The following INPP5D variants were observed in gnomAD, a reference collection of about 807,000 sequenced individuals.
INPP5D encodes the protein phosphatidylinositol 3,4,5-trisphosphate 5-phosphatase 1.
INPP5D carries 33 observed loss-of-function variants against 122.9 expected under a neutral mutation model. That is an observed-to-expected ratio of 0.27 (90% CI 0.20 to 0.36). The LOEUF is 0.36. Ranked by LOEUF, INPP5D falls within the 10% of genes least tolerant of loss-of-function variation. The probability of loss-of-function intolerance (pLI) is 1.00; values close to 1 mark genes in which losing one functional copy is unlikely to be tolerated. For missense variants in INPP5D, 1,053 were observed against 1,412.7 expected (o/e 0.75, Z 4.08); for synonymous variants, 584 against 576.2 (o/e 1.01, Z -0.19).
chr2:233,157,139 G>A (rs1392680402), intron 9 of INPP5D, among the ~76,000 whole-genome samples: 6 of 152,190 alleles, frequency 3.9e-5, no homozygotes, highest in Admixed American at 3.9e-4. Context: ...ATGTATCACC[G>A]ATTCTTCCTT....
At chr2:233,104,527 G>A (rs1692411440) in intron 2 of INPP5D, among the ~76,000 whole-genome samples, 2 of 152,254 alleles carry the variant, frequency 1.3e-5, no homozygotes, top group East Asian at 3.9e-4. Context: ...GCAAACAGAA[G>A]GTGAGGTCGG....
chr2:233,087,683 T>C (rs188270715), intron 2 of INPP5D, among the ~76,000 whole-genome samples: 1 of 152,342 alleles, frequency 6.6e-6, no homozygotes, highest in East Asian at 1.9e-4. Context: ...ATACTAGAAC[T>C]ATTCCTAGCA....
At position 233,139,829 on chromosome 2, in the gene INPP5D, C is replaced by T. The variant is rs1693597697; in HGVS notation, c.666-13C>T. The T allele has an allele frequency of 7.5e-6, 3 of 398,636 alleles. No homozygotes were observed. Among genetic ancestry groups the T allele is most frequent in the African/African-American group, 2.1e-5 (1 of 48,640 alleles). 24.7% of individuals were successfully genotyped at this position (398,636 alleles called of 1,614,324 possible). On this transcript the variant is annotated splice_polypyrimidine_tract_variant and intron_variant, in intron 5 of 26. Coordinates refer to ENST00000445964, the MANE Select transcript of INPP5D (RefSeq NM_001017915.3). Reference sequence around the variant, plus strand: ...CACTAATCCTTGATGTTCACCTTGTCCCCTGCCCCCAGAGAAGTCATCCGG... The same window carrying T: ...CACTAATCCTTGATGTTCACCTTGTTCCCTGCCCCCAGAGAAGTCATCCGG...
chr2:233,173,925 CA>C (rs370391711), intron 17 of INPP5D, among the ~76,000 whole-genome samples: 7 of 144,062 alleles, frequency 4.9e-5, no homozygotes, highest in South Asian at 2.3e-4. Context: ...GGCTCCGTCT[CA>C]AAAAAAAAAA....
In INPP5D at chr2:233,204,674, C is replaced by A; in HGVS notation, c.3524C>A (p.Pro1175Gln). The change falls in exon 26 of 27, where the codon CCG becomes CAG. Residue 1175 changes from proline (P) to glutamine (Q), a missense_variant. Physicochemically the swap from Pro to Gln is moderately conservative, Grantham distance 76. Transcript: ENST00000445964. The stretch of plus-strand genomic sequence containing the variant: ...CTCCCGCATCACGGCAAGCACCGGC[C>A]GGAGGAGGGGCCACCAGGGCCTCTA... The part of the protein sequence containing the change: ...TELPHHGKHR[P>Q]EEGPPGPLGR... 4 of 1,569,960 alleles carry A rather than the reference C, an allele frequency of 2.5e-6. No individual in the cohort carries two copies. The highest frequency in any genetic ancestry group is 3.4e-4 in the Middle Eastern group (2 of 5,910).
At chr2:233,168,635 A>G (rs1694408232) in intron 13 of INPP5D, among the ~76,000 whole-genome samples, 2 of 152,232 alleles carry the variant, frequency 1.3e-5, no homozygotes, top group African/African-American at 2.4e-5. Flanking sequence ...ATGACAAAAG[A>G]TGGTTTTTCT....
chr2:233,123,581 C>T (rs1410780989), intron 3 of INPP5D, among the ~76,000 whole-genome samples: 1 of 152,194 alleles, frequency 6.6e-6, no homozygotes, highest in Non-Finnish European at 1.5e-5. Flanking sequence ...AGGAGCTTAC[C>T]TGGGGATGCC....
At chr2:233,095,615 C>CAA (rs59030376) in intron 2 of INPP5D, among the ~76,000 whole-genome samples, 3 of 129,190 alleles carry the variant, frequency 2.3e-5, no homozygotes, top group Non-Finnish European at 4.9e-5. Flanking sequence ...GAAACTGTCT[C>CAA]AAAAAAAAAA....
intron 25 of INPP5D, among the ~76,000 whole-genome samples, chr2:233,203,800 C>G (rs1695402540): frequency 6.6e-6 from 1 of 152,044 alleles, no homozygotes; most frequent in East Asian, 1.9e-4. Context: ...TCCAGCTACT[C>G]CTAGCTACTC....
intron 3 of INPP5D, among the ~76,000 whole-genome samples, chr2:233,124,649 G>T (rs1175013252): frequency 6.6e-6 from 1 of 152,216 alleles, no homozygotes; most frequent in African/African-American, 2.4e-5. Context: ...ATGCTGAGAA[G>T]CTGTTCTGCA....
At chr2:233,064,914 G>A (rs765270216) in intron 1 of INPP5D, among the ~76,000 whole-genome samples, 4 of 152,188 alleles carry the variant, frequency 2.6e-5, no homozygotes, top group Non-Finnish European at 5.9e-5. Context: ...ATGCAATAAG[G>A]CACTATTTTT....
At chr2:233,202,737 G>A (rs1042379144) in intron 25 of INPP5D, among the ~76,000 whole-genome samples, 1 of 152,238 alleles carries the variant, frequency 6.6e-6, no homozygotes, top group African/African-American at 2.4e-5. Context: ...TAGTCAGGAA[G>A]TAAAATGTGT....
chr2:233,147,524 T>C lies in INPP5D; in HGVS notation c.960T>C (p.Val320=). Residue 320 remains valine, a synonymous_variant, in exon 9 of 27, where the codon GTT becomes GTC. Coordinates refer to ENST00000445964, the MANE Select transcript of INPP5D (RefSeq NM_001017915.3). ...IPQKMQLKVD[V]ESGKLIIKKS... Reference sequence around the variant, plus strand: ...AGAAAATGCAGCTCAAAGTCGACGTTGAGTCTGGGAAACTGATCATTAAGA... The same window carrying C: ...AGAAAATGCAGCTCAAAGTCGACGTCGAGTCTGGGAAACTGATCATTAAGA... 1 of 704,248 alleles carries C rather than the reference T, an allele frequency of 1.4e-6. No homozygotes were observed. The highest frequency in any genetic ancestry group is 2.6e-6 in the Non-Finnish European group (1 of 384,988). 43.6% of individuals were successfully genotyped at this position (704,248 alleles called of 1,614,324 possible).
At chr2:233,134,978 A>T (rs1395985289) in intron 5 of INPP5D, among the ~76,000 whole-genome samples, 1 of 152,142 alleles carries the variant, frequency 6.6e-6, no homozygotes, top group East Asian at 1.9e-4. Flanking sequence ...AGATGAGGAA[A>T]TGTGTGGTAA....
At chr2:233,090,910 A>T (rs1691971922) in intron 2 of INPP5D, among the ~76,000 whole-genome samples, 1 of 151,862 alleles carries the variant, frequency 6.6e-6, no homozygotes, top group Non-Finnish European at 1.5e-5. Context: ...GTGAGCTGAG[A>T]TCGCGCCACA....
At chr2:233,130,941 G>C in intron 5 of INPP5D, 1 of 559,100 alleles carries the variant, frequency 1.8e-6, no homozygotes. Flanking sequence ...TTTCTCACTT[G>C]CACAGGATCC....
At position 233,158,305 on chromosome 2, in the gene INPP5D, C is replaced by A. The variant is rs777292413; in HGVS notation, c.1031-8C>A. The A allele has an allele frequency of 1.6e-5, 11 of 698,880 alleles. 1 individual carries two copies. Among genetic ancestry groups the A allele is most frequent in the South Asian group, 1.5e-4 (10 of 66,794 alleles). The allele number at this position is 698,880 out of a possible 1,614,324, so 43.3% of individuals were successfully genotyped here. A position where few individuals can be genotyped will look rare whatever the true frequency, so the allele number is the denominator to read the frequency against. On this transcript the variant is annotated splice_polypyrimidine_tract_variant and splice_region_variant and intron_variant, in intron 9 of 26. Coordinates refer to ENST00000445964, the MANE Select transcript of INPP5D (RefSeq NM_001017915.3). ...ATGAATGAATTAATGAATTTCTTTTCTCTTAAGTCCTGCAGCTCATTAAGT... is the reference window on the plus strand; with the variant it reads ...ATGAATGAATTAATGAATTTCTTTTATCTTAAGTCCTGCAGCTCATTAAGT...
At chr2:233,097,736 A>G (rs1224793173) in intron 2 of INPP5D, among the ~76,000 whole-genome samples, 1 of 152,070 alleles carries the variant, frequency 6.6e-6, no homozygotes, top group Non-Finnish European at 1.5e-5. Context: ...CCCTAGGTAA[A>G]TGATCTTGTT....
At position 233,149,829 on chromosome 2, in the gene INPP5D, T is replaced by A. The variant is rs1365302793; in HGVS notation, c.1030+2235T>A. Among the ~76,000 whole-genome samples the A allele has an allele frequency of 2.6e-5, 4 of 152,222 alleles. No individual in the cohort carries two copies. In the South Asian group the frequency reaches 6.2e-4, roughly 24 times the overall value. ...GCATCTTGCAGGGCTCTCATGAGTC[T>A]TATGTGGGTGAACATCAAAGCAACT... On this transcript the variant is annotated intron_variant, in intron 9 of 26. Coordinates refer to ENST00000445964, the MANE Select transcript of INPP5D (RefSeq NM_001017915.3).
Sources: allele counts gnomAD v4.1 joint callset (sites outside exome capture counted in the v4.1 genomes callset), GRCh38; gene constraint gnomAD v4.1.1; transcripts MANE v1.5; gene names NCBI Gene and HGNC (gene_info 2026-07-23, HGNC 2026-07-21).